The following PCOLCE2 variants were observed in gnomAD, a reference collection of about 807,000 sequenced individuals.
The protein encoded by PCOLCE2 is procollagen C-endopeptidase enhancer 2.
A neutral mutation model predicts 47.0 loss-of-function variants in PCOLCE2; 42 were observed. That is an observed-to-expected ratio of 0.89 (90% CI 0.70 to 1.16). The LOEUF is 1.16. Ranked by LOEUF, PCOLCE2 falls within the 50% of genes most tolerant of loss-of-function variation. The probability of loss-of-function intolerance (pLI) is 0.00; values close to 1 mark genes in which losing one functional copy is unlikely to be tolerated. For missense variants in PCOLCE2, 500 were observed against 526.1 expected (o/e 0.95, Z 0.49); for synonymous variants, 169 against 191.7 (o/e 0.88, Z 0.98).
intron 2 of PCOLCE2, among the ~76,000 whole-genome samples, chr3:142,880,801 T>C (rs891698117): frequency 6.6e-6 from 1 of 152,190 alleles, no homozygotes; most frequent in African/African-American, 2.4e-5. Context: ...TCAAGGCACA[T>C]GTAAAATAAC....
intron 5 of PCOLCE2, among the ~76,000 whole-genome samples, chr3:142,837,310 TGGC>T (rs1937214994): frequency 6.6e-6 from 1 of 152,230 alleles, no homozygotes; most frequent in Non-Finnish European, 1.5e-5. Flanking sequence ...GCTGCACGTG[TGGC>T]AATTTGTTAC....
rs149359479 is a variant in PCOLCE2, at chr3:142,820,976, T to G, written c.1019A>C (p.Asn340Thr). The G allele has an allele frequency of 4.3e-6, 7 of 1,614,046 alleles. No individual in the cohort carries two copies. Among genetic ancestry groups the G allele is most frequent in the Non-Finnish European group, 5.9e-6 (7 of 1,179,942 alleles). The change falls in exon 8 of 9, where the codon AAC becomes ACC. Residue 340 changes from asparagine (N) to threonine (T), a missense_variant. Coordinates refer to ENST00000295992, the MANE Select transcript of PCOLCE2 (RefSeq NM_013363.4). ...CGCCAAATTTCCCTCTTTGTAGATG[T>G]TGATGATCGAGACTGTGGCGTGCAA... is the stretch of plus-strand genomic sequence containing the variant. ...GSLHATVSII[N>T]IYKEGNLAIQ...
chr3:142,827,248 C>A, intron 6 of PCOLCE2: 1 of 1,220,952 alleles, frequency 8.2e-7, no homozygotes, highest in South Asian at 1.3e-5. Context: ...AAGGATGCTC[C>A]ATAGGGTTCA....
intron 1 of PCOLCE2, 41 bp downstream of exon 1, chr3:142,888,773 G>T: frequency 8.0e-7 from 1 of 1,243,178 alleles, no homozygotes; most frequent in East Asian, 2.9e-5. Flanking sequence ...GGTGGAGGAA[G>T]GGAAAGGAGA....
intron 2 of PCOLCE2, among the ~76,000 whole-genome samples, chr3:142,873,589 T>C (rs1278811440): frequency 2.0e-5 from 3 of 152,172 alleles, no homozygotes; most frequent in Non-Finnish European, 2.9e-5. Context: ...AGAAGCATAA[T>C]ACATATTTAT....
At chr3:142,888,589 G>C in intron 1 of PCOLCE2, 1 of 410,248 alleles carries the variant, frequency 2.4e-6, no homozygotes, top group Non-Finnish European at 4.4e-6. Flanking sequence ...CCATCCGGCA[G>C]GCCGGGCTGG....
At chr3:142,888,280 G>A (rs1933751856) in intron 1 of PCOLCE2, among the ~76,000 whole-genome samples, 1 of 152,218 alleles carries the variant, frequency 6.6e-6, no homozygotes. Flanking sequence ...GTTGATGGAG[G>A]CTGAAGAGGT....
intron 5 of PCOLCE2, among the ~76,000 whole-genome samples, chr3:142,835,892 C>T (rs1248464006): frequency 6.6e-6 from 1 of 152,360 alleles, no homozygotes; most frequent in African/African-American, 2.4e-5. Flanking sequence ...GATCCTCCAA[C>T]CTCAGGTTCT....
At chr3:142,879,605 A>G (rs1578051573) in intron 2 of PCOLCE2, among the ~76,000 whole-genome samples, 1 of 152,330 alleles carries the variant, frequency 6.6e-6, no homozygotes, top group African/African-American at 2.4e-5. Context: ...TAAGGCAATA[A>G]TGAAAACTTT....
intron 2 of PCOLCE2, among the ~76,000 whole-genome samples, chr3:142,875,805 C>T (rs1933485426): frequency 6.6e-6 from 1 of 152,148 alleles, no homozygotes; most frequent in African/African-American, 2.4e-5. Context: ...CAGCTCCCTC[C>T]TCCCCGCTTC....
At chr3:142,847,385 T>C (rs188869744) in intron 3 of PCOLCE2, among the ~76,000 whole-genome samples, 34 of 152,340 alleles carry the variant, frequency 2.2e-4, no homozygotes, top group African/African-American at 7.9e-4. Flanking sequence ...AGTAAAAATG[T>C]TGCACTACAG....
rs549837370 is a variant in PCOLCE2, at chr3:142,834,394, T to C, written c.710+4376A>G. Among the ~76,000 whole-genome samples the C allele has an allele frequency of 1.6e-4, 24 of 152,358 alleles. No individual in the cohort carries two copies. The South Asian group carries it at 5.0e-3, about 32-fold the overall frequency. On this transcript the variant is annotated intron_variant, in intron 5 of 8. Coordinates refer to ENST00000295992, the MANE Select transcript of PCOLCE2 (RefSeq NM_013363.4). ...AGTCTTCCTATTCATGAGCATTGTATATAGCTCCATTTATTTAGCTCTTTT... is the reference window on the plus strand; with the variant it reads ...AGTCTTCCTATTCATGAGCATTGTACATAGCTCCATTTATTTAGCTCTTTT...
intron 6 of PCOLCE2, among the ~76,000 whole-genome samples, chr3:142,826,520 C>G (rs1937080121): frequency 1.3e-5 from 2 of 152,226 alleles, no homozygotes; most frequent in African/African-American, 4.8e-5. Flanking sequence ...TTTATTCCTT[C>G]TGTCTGCCAT....
At chr3:142,832,925 AT>A (rs1164661969) in intron 5 of PCOLCE2, among the ~76,000 whole-genome samples, 1 of 152,166 alleles carries the variant, frequency 6.6e-6, no homozygotes, top group Non-Finnish European at 1.5e-5. Context: ...ATTCCTCTGG[AT>A]AAAAGTGTTA....
At position 142,839,562 on chromosome 3, in the gene PCOLCE2, C is replaced by T. The variant is rs1157749293; in HGVS notation, c.574-656G>A. Among the ~76,000 whole-genome samples, 9 of 152,302 alleles carry T rather than the reference C, an allele frequency of 5.9e-5. No homozygotes were observed. In the East Asian group the frequency reaches 1.7e-3, roughly 29 times the overall value. Reference sequence around the variant, plus strand: ...TCCTGACCTCAAGTAATCCACCTGCCTTGGCCTCCCAAAGTGCTGGGATTA... The same window carrying T: ...TCCTGACCTCAAGTAATCCACCTGCTTTGGCCTCCCAAAGTGCTGGGATTA... On this transcript the variant is annotated intron_variant, in intron 4 of 8. Transcript: ENST00000295992.
At chr3:142,869,873 C>A (rs1270681424) in intron 2 of PCOLCE2, among the ~76,000 whole-genome samples, 1 of 152,186 alleles carries the variant, frequency 6.6e-6, no homozygotes, top group East Asian at 1.9e-4. Context: ...CCAACTGGGG[C>A]ACATGTTCTC....
intron 5 of PCOLCE2, among the ~76,000 whole-genome samples, chr3:142,830,578 T>C (rs1162272711): frequency 2.0e-5 from 3 of 152,218 alleles, no homozygotes; most frequent in African/African-American, 7.2e-5. Flanking sequence ...TGTTTTGGTG[T>C]TCATGAATGG....
In PCOLCE2 at chr3:142,888,889, C is replaced by T; in HGVS notation, c.8G>A (p.Gly3Asp). 6.6e-7 allele frequency: 1 copy of T among 1,504,148 alleles called. No homozygotes were observed. Among genetic ancestry groups the T allele is most frequent in the Middle Eastern group, 1.8e-4 (1 of 5,420 alleles). The allele number at this position is 1,504,148 out of a possible 1,614,324, so 93.2% of individuals were successfully genotyped here. MR[G>D]ANAWAPLCLL... ...GCAGAGTGGCGCCCAGGCGTTCGCG[C>T]CCCTCATGGCAGCGTAGACGCTCGG... Residue 3 changes from glycine to aspartate, a missense_variant, in exon 1 of 9, where the codon GGC becomes GAC. By Grantham distance (94) the Gly-to-Asp change is moderately conservative. Transcript: ENST00000295992.
In PCOLCE2 at chr3:142,888,980, C is replaced by CGCTCACACGGGCAGCAGCGCTG; in HGVS notation, c.-85_-84insCAGCGCTGCTGCCCGTGTGAGC. The CGCTCACACGGGCAGCAGCGCTG allele has an allele frequency of 1.9e-6, 1 of 514,054 alleles. No individual in the cohort carries two copies. Among genetic ancestry groups the CGCTCACACGGGCAGCAGCGCTG allele is most frequent in the African/African-American group, 2.0e-5 (1 of 50,730 alleles). 31.8% of individuals were successfully genotyped at this position (514,054 alleles called of 1,614,324 possible). On this transcript the variant is annotated 5_prime_UTR_variant, in exon 1 of 9. Coordinates refer to ENST00000295992, the MANE Select transcript of PCOLCE2 (RefSeq NM_013363.4). ...TCCGCACCCACCGCGCTCACACCGC[C>CGCTCACACGGGCAGCAGCGCTG]GCTCACACTGGCAGCAGCGCTGGCT...
Sources: allele counts gnomAD v4.1 joint callset (sites outside exome capture counted in the v4.1 genomes callset), GRCh38; gene constraint gnomAD v4.1.1; transcripts MANE v1.5; gene names NCBI Gene and HGNC (gene_info 2026-07-23, HGNC 2026-07-21).